Variants in SAMMSON observed in about 807,000 individuals in gnomAD.
The protein encoded by SAMMSON is survival associated mitochondrial melanoma specific oncogenic non-coding RNA, also known as long intergenic non-protein coding RNA 1212.
intron 6 of SAMMSON, among the ~76,000 whole-genome samples, chr3:70,280,741 C>T (rs1036936565): frequency 6.6e-6 from 1 of 152,100 alleles, no homozygotes; most frequent in Non-Finnish European, 1.5e-5. Flanking sequence ...CTCTTAGTTT[C>T]CCCCGCCTTT....
intron 2 of SAMMSON, among the ~76,000 whole-genome samples, chr3:70,401,876 A>C (rs1387640340): frequency 6.6e-6 from 1 of 152,210 alleles, no homozygotes; most frequent in Non-Finnish European, 1.5e-5. Flanking sequence ...GCAAACATTT[A>C]CAAGGTTCTT....
chr3:70,223,155 G>T (rs879363028), intron 4 of SAMMSON, among the ~76,000 whole-genome samples: 2 of 152,098 alleles, frequency 1.3e-5, no homozygotes, highest in African/African-American at 2.4e-5. Flanking sequence ...TACTCTTTAC[G>T]TCTATTTGTA....
At chr3:70,214,053 G>A (rs17006854) in intron 4 of SAMMSON, among the ~76,000 whole-genome samples, 5,828 of 152,104 alleles carry the variant, frequency 0.038, 169 homozygotes, top group East Asian at 0.1. Flanking sequence ...CTCCAGTTGA[G>A]GGATGAAGGC....
At chr3:70,104,447 G>A (rs2067358980) in intron 4 of SAMMSON, among the ~76,000 whole-genome samples, 1 of 152,010 alleles carries the variant, frequency 6.6e-6, no homozygotes, top group Admixed American at 6.6e-5. Context: ...TTCAATTAAT[G>A]TTTGCCATTT....
chr3:70,072,446 C>T (rs1229922905), intron 4 of SAMMSON: 1 of 151,268 alleles, frequency 6.6e-6, no homozygotes, highest in East Asian at 1.9e-4. Context: ...TTTTTTCCCC[C>T]GCCCCGTGAG....
chr3:70,395,817 C>T (rs1368745198), intron 2 of SAMMSON, among the ~76,000 whole-genome samples: 1 of 152,038 alleles, frequency 6.6e-6, no homozygotes, highest in Non-Finnish European at 1.5e-5. Flanking sequence ...GCTGTGATTA[C>T]CCCCAAGAAG....
chr3:70,063,472 C>T (rs2067198092), intron 3 of SAMMSON, among the ~76,000 whole-genome samples: 1 of 152,144 alleles, frequency 6.6e-6, no homozygotes, highest in Non-Finnish European at 1.5e-5. Context: ...GGGAGGCTAG[C>T]CCTTCTTGAG....
intron 4 of SAMMSON, chr3:70,172,332 C>T (rs1700965852): frequency 1.3e-5 from 2 of 148,470 alleles, no homozygotes; most frequent in African/African-American, 5.0e-5. Flanking sequence ...GTACTCTCTG[C>T]GTCATGCTAG....
chr3:70,030,283 A>T (rs1242046731), intron 3 of SAMMSON: 1 of 152,160 alleles, frequency 6.6e-6, no homozygotes, highest in Non-Finnish European at 1.5e-5. Context: ...TGATTGAGAG[A>T]CTGGGAACTA....
At chr3:70,233,089 T>C (rs1701576238) in intron 4 of SAMMSON, among the ~76,000 whole-genome samples, 1 of 152,150 alleles carries the variant, frequency 6.6e-6, no homozygotes, top group Admixed American at 6.5e-5. Context: ...ATTGGGAGGC[T>C]GAGGCACAAG....
chr3:70,148,159 C>G (rs1039176087), intron 4 of SAMMSON, among the ~76,000 whole-genome samples: 3 of 152,082 alleles, frequency 2.0e-5, no homozygotes, highest in African/African-American at 7.2e-5. Flanking sequence ...TGTGGAGCAA[C>G]TGGAATTTTC....
intron 8 of SAMMSON, among the ~76,000 whole-genome samples, chr3:70,356,396 T>G (rs2106737513): frequency 6.6e-6 from 1 of 152,228 alleles, no homozygotes; most frequent in African/African-American, 2.4e-5. Context: ...TTAACCAACT[T>G]TAATCAACTT....
intron 4 of SAMMSON, chr3:70,125,090 G>A (rs1241260364): frequency 1.7e-5 from 17 of 982,154 alleles, no homozygotes; most frequent in Non-Finnish European, 2.7e-5. Flanking sequence ...TCCTTCCTTA[G>A]GATCTGGTTT....
At chr3:70,225,164 T>A (rs567997413) in intron 4 of SAMMSON, among the ~76,000 whole-genome samples, 1 of 152,274 alleles carries the variant, frequency 6.6e-6, no homozygotes, top group Non-Finnish European at 1.5e-5. Flanking sequence ...ACACCTTTTG[T>A]GCCATGATGA....
intron 7 of SAMMSON, among the ~76,000 whole-genome samples, chr3:70,292,295 A>G (rs973725495): frequency 6.6e-6 from 1 of 152,138 alleles, no homozygotes; most frequent in Admixed American, 6.5e-5. Context: ...TTGATTGTTT[A>G]TAATATATAG....
intron 4 of SAMMSON, among the ~76,000 whole-genome samples, chr3:70,119,185 G>A (rs1034746534): frequency 2.6e-5 from 4 of 152,076 alleles, no homozygotes; most frequent in Non-Finnish European, 5.9e-5. Flanking sequence ...TCCTACCTCA[G>A]CCTCCTGAGT....
chr3:70,431,045 G>A (rs1701408986), intron 2 of SAMMSON, among the ~76,000 whole-genome samples: 1 of 151,986 alleles, frequency 6.6e-6, no homozygotes, highest in African/African-American at 2.4e-5. Flanking sequence ...GTTTCTTAGA[G>A]AATTATTTGG....
chr3:70,195,189 T>C (rs1218263708), intron 4 of SAMMSON, among the ~76,000 whole-genome samples: 2 of 152,236 alleles, frequency 1.3e-5, no homozygotes, highest in African/African-American at 4.8e-5. Flanking sequence ...AACAGCCTTA[T>C]GTTCCCTTCC....
intron 4 of SAMMSON, chr3:70,125,543 C>G (rs73105994): frequency 1.4e-6 from 1 of 696,042 alleles, no homozygotes; most frequent in Non-Finnish European, 2.6e-6. Flanking sequence ...AAATCCTATA[C>G]TGGATGCATC....
Sources: gnomAD v4.1 joint callset for allele counts (sites outside exome capture counted in the v4.1 genomes callset) on GRCh38, gnomAD v4.1.1 for gene constraint, MANE v1.5 for transcripts, NCBI Gene and HGNC (gene_info 2026-07-23, HGNC 2026-07-21) for gene names.